Variants in SDK1 observed in about 807,000 individuals in gnomAD.
The protein encoded by SDK1 is protein sidekick-1.
SDK1 carries 157 observed loss-of-function variants against 245.5 expected under a neutral mutation model. The observed-to-expected ratio is 0.64, with a 90% CI of 0.56 to 0.73. The LOEUF (loss-of-function observed/expected upper bound fraction) is 0.73. Among genes scored for constraint, SDK1 ranks in the 30% least tolerant of loss-of-function variants. The probability of loss-of-function intolerance (pLI) is 0.00; values close to 1 mark genes in which losing one functional copy is unlikely to be tolerated. For missense variants in SDK1, 3,583 were observed against 3,002.3 expected (o/e 1.19, Z -4.52); for synonymous variants, 1,647 against 1,278.5 (o/e 1.29, Z -6.15).
chr7:3,398,785 TC>T (rs1353456057), intron 1 of SDK1, among the ~76,000 whole-genome samples: 6 of 136,724 alleles, frequency 4.4e-5, no homozygotes, highest in Non-Finnish European at 3.2e-5. Context: ...TTTTTTTTTT[TC>T]CTCAAGCTAG....
At chr7:3,470,930 A>G (rs893729590) in intron 1 of SDK1, among the ~76,000 whole-genome samples, 5 of 152,208 alleles carry the variant, frequency 3.3e-5, no homozygotes, top group African/African-American at 1.2e-4. Flanking sequence ...GGCATTGCCT[A>G]TAAAATATTT....
intron 1 of SDK1, among the ~76,000 whole-genome samples, chr7:3,338,770 C>T (rs934617219): frequency 7.2e-5 from 11 of 151,990 alleles, no homozygotes; most frequent in East Asian, 3.8e-4. Flanking sequence ...ATGTTGATAC[C>T]GGTAGAGTGT....
chr7:4,187,937 C>A (rs1457692721), intron 35 of SDK1, among the ~76,000 whole-genome samples: 1 of 147,720 alleles, frequency 6.8e-6, no homozygotes, highest in Non-Finnish European at 1.5e-5. Context: ...AACGGACTCC[C>A]AGTTCCACGT....
At chr7:3,421,681 A>G (rs1025285015) in intron 1 of SDK1, among the ~76,000 whole-genome samples, 6 of 152,184 alleles carry the variant, frequency 3.9e-5, no homozygotes, top group African/African-American at 2.4e-5. Flanking sequence ...GCAGTGAGGT[A>G]GCTTTCTGTT....
chr7:4,254,258 G>A (rs1021640524), intron 44 of SDK1, among the ~76,000 whole-genome samples: 7 of 151,238 alleles, frequency 4.6e-5, no homozygotes, highest in Non-Finnish European at 7.4e-5. Context: ...CTTATTATAC[G>A]TATGTTGGTG....
chr7:4,230,586 AATGG>A (rs1408528115), intron 40 of SDK1, among the ~76,000 whole-genome samples: 2 of 151,446 alleles, frequency 1.3e-5, no homozygotes, highest in African/African-American at 4.9e-5. Flanking sequence ...ATGGATAATG[AATGG>A]ATGGATGGAT....
intron 2 of SDK1, 27 bp downstream of exon 2, chr7:3,619,266 TC>T: frequency 6.3e-7 from 1 of 1,585,588 alleles, no homozygotes; most frequent in Non-Finnish European, 8.6e-7. Context: ...AAAAATAAGA[TC>T]CCATTTCAGT....
chr7:3,955,245 C>G (rs534883210), intron 7 of SDK1, among the ~76,000 whole-genome samples: 3 of 152,158 alleles, frequency 2.0e-5, no homozygotes, highest in Admixed American at 2.0e-4. Flanking sequence ...GGGGCTGGCT[C>G]CTGGCCAGGG....
intron 1 of SDK1, among the ~76,000 whole-genome samples, chr7:3,457,332 T>C (rs1780702092): frequency 6.6e-6 from 1 of 152,154 alleles, no homozygotes; most frequent in East Asian, 1.9e-4. Flanking sequence ...TTTGCCTCTT[T>C]CCACCTTTCT....
chr7:3,302,027 G>T, intron 1 of SDK1, 143 bp downstream of exon 1: 1 of 520,750 alleles, frequency 1.9e-6, no homozygotes, highest in Non-Finnish European at 2.5e-6. Context: ...GGGAGCCCAG[G>T]GGCTCCTCCA....
At chr7:3,560,069 G>A (rs1779700504) in intron 1 of SDK1, among the ~76,000 whole-genome samples, 1 of 152,160 alleles carries the variant, frequency 6.6e-6, no homozygotes, top group African/African-American at 2.4e-5. Context: ...TTTGAAGCCT[G>A]GTGTTTTATC....
chr7:3,944,836 C>G (rs543103205), intron 5 of SDK1, among the ~76,000 whole-genome samples: 42 of 152,256 alleles, frequency 2.8e-4, no homozygotes, highest in African/African-American at 8.9e-4. Flanking sequence ...AAGCAAATCT[C>G]AGAGGGAGGC....
intron 5 of SDK1, among the ~76,000 whole-genome samples, chr7:3,898,021 C>T (rs998796309): frequency 2.0e-5 from 3 of 152,078 alleles, no homozygotes; most frequent in African/African-American, 7.2e-5. Context: ...AGGAAGCCGC[C>T]GTGTGCACAC....
At chr7:3,718,744 T>C (rs1785277329) in intron 4 of SDK1, among the ~76,000 whole-genome samples, 1 of 150,456 alleles carries the variant, frequency 6.6e-6, no homozygotes, top group African/African-American at 2.5e-5. Context: ...CAGGCAAGAA[T>C]GACCGCTCTC....
intron 22 of SDK1, among the ~76,000 whole-genome samples, chr7:4,100,602 A>G (rs576113258): frequency 6.6e-6 from 1 of 152,250 alleles, no homozygotes; most frequent in South Asian, 2.1e-4. Flanking sequence ...GTGAGGACAC[A>G]GGGGCATTTG....
chr7:4,264,280 C>T (rs1457672038), intron 44 of SDK1, among the ~76,000 whole-genome samples: 2 of 98,958 alleles, frequency 2.0e-5, no homozygotes, highest in Admixed American at 9.6e-5. Flanking sequence ...GCCGCGTAGA[C>T]CTCTCCTGAG....
chr7:4,087,016 A>AT (rs1199545109), intron 22 of SDK1, among the ~76,000 whole-genome samples: 3 of 135,428 alleles, frequency 2.2e-5, no homozygotes, highest in African/African-American at 9.1e-5. Context: ...ACATGTATAT[A>AT]TTTTTTGCCA....
At chr7:3,743,862 C>G in intron 4 of SDK1, among the ~76,000 whole-genome samples, 1 of 152,276 alleles carries the variant, frequency 6.6e-6, no homozygotes, top group African/African-American at 2.4e-5. Flanking sequence ...TAGCAGCTAT[C>G]TGCCCCCATG....
At chr7:4,020,529 C>G (rs948182839) in intron 17 of SDK1, among the ~76,000 whole-genome samples, 8 of 152,176 alleles carry the variant, frequency 5.3e-5, no homozygotes, top group African/African-American at 1.9e-4. Flanking sequence ...GGGGGCAATG[C>G]TTGCCTGGCT....
Sources: allele counts gnomAD v4.1 joint callset (sites outside exome capture counted in the v4.1 genomes callset), GRCh38; gene constraint gnomAD v4.1.1; transcripts MANE v1.5; gene names NCBI Gene and HGNC (gene_info 2026-07-23, HGNC 2026-07-21).